Variants in PRKG1 observed in about 807,000 individuals in gnomAD.
PRKG1 encodes cGMP-dependent protein kinase 1.
Under a neutral mutation model 88.1 loss-of-function variants are expected in PRKG1, and 35 were observed. The ratio of observed to expected loss-of-function variants is 0.40; its 90% CI spans 0.30 to 0.53. The LOEUF (loss-of-function observed/expected upper bound fraction) is 0.53. PRKG1 is among the 20% of genes least tolerant of loss of function. PRKG1 has a pLI of 0.59. For missense variants in PRKG1, 540 were observed against 839.8 expected, an observed-to-expected ratio of 0.64 and a Z score of 4.41; for synonymous variants, 303 against 292.5, an observed-to-expected ratio of 1.04 and a Z score of -0.37.
chr10:51,628,515 G>A (rs1839432555), intron 3 of PRKG1, among the ~76,000 whole-genome samples: 1 of 152,062 alleles, frequency 6.6e-6, no homozygotes, highest in Non-Finnish European at 1.5e-5. Flanking sequence ...CAACATTGGG[G>A]TGATAAAATA....
chr10:51,413,714 A>G (rs143083145), intron 2 of PRKG1, among the ~76,000 whole-genome samples: 4 of 152,336 alleles, frequency 2.6e-5, no homozygotes, highest in Admixed American at 2.0e-4. Flanking sequence ...TGTTGTTCAC[A>G]TTATTAAGAG....
intron 4 of PRKG1, among the ~76,000 whole-genome samples, chr10:51,865,458 T>G (rs1480911726): frequency 6.6e-6 from 1 of 152,100 alleles, no homozygotes; most frequent in Non-Finnish European, 1.5e-5. Context: ...ATTTTCATTG[T>G]GATGAGTATG....
rs57454796 is a variant in PRKG1, at chr10:51,799,499, A to G, written c.593-5086A>G. Among the ~76,000 whole-genome samples the G allele has an allele frequency of 6.3e-3, 960 of 151,918 alleles. 12 individuals carry two copies. The highest frequency in any genetic ancestry group is 0.019 in the African/African-American group (802 of 41,458). On this transcript the variant is annotated intron_variant, in intron 3 of 17. Coordinates refer to ENST00000373980, the MANE Select transcript of PRKG1 (RefSeq NM_006258.4). ...TTGTGGTGGTGGTAGGATAACCTCA[A>G]AAATATCTAGCAATCCCCGTGGCAT...
chr10:51,417,239 T>A (rs1838266860), intron 2 of PRKG1, among the ~76,000 whole-genome samples: 1 of 152,182 alleles, frequency 6.6e-6, no homozygotes, highest in African/African-American at 2.4e-5. Flanking sequence ...CCTCACATGG[T>A]CCTACATGAC....
At chr10:51,994,731 C>A (rs1305330427) in intron 5 of PRKG1, among the ~76,000 whole-genome samples, 1 of 152,104 alleles carries the variant, frequency 6.6e-6, no homozygotes, top group Non-Finnish European at 1.5e-5. Context: ...GTTGTCTCTT[C>A]ATATATTTGA....
At chr10:51,354,952 G>T (rs928012495) in intron 2 of PRKG1, among the ~76,000 whole-genome samples, 4 of 152,068 alleles carry the variant, frequency 2.6e-5, no homozygotes, top group Non-Finnish European at 5.9e-5. Context: ...GGTAGCAAAT[G>T]TCTGGGCATA....
intron 3 of PRKG1, among the ~76,000 whole-genome samples, chr10:51,641,910 G>GAAA (rs1370204537): frequency 6.6e-6 from 1 of 152,012 alleles, no homozygotes; most frequent in Non-Finnish European, 1.5e-5. Flanking sequence ...AAATCAATCA[G>GAAA]AAAAAGCAGT....
chr10:51,279,822 T>C (rs1346461441), intron 2 of PRKG1, among the ~76,000 whole-genome samples: 1 of 152,238 alleles, frequency 6.6e-6, no homozygotes, highest in Non-Finnish European at 1.5e-5. Flanking sequence ...CTTGACTCTT[T>C]ATCCAATTTG....
chr10:51,348,266 G>A (rs1842160150), intron 2 of PRKG1, among the ~76,000 whole-genome samples: 1 of 152,042 alleles, frequency 6.6e-6, no homozygotes, highest in African/African-American at 2.4e-5. Flanking sequence ...CCCTTAAACC[G>A]ATATGTGCAA....
intron 2 of PRKG1, among the ~76,000 whole-genome samples, chr10:51,396,812 T>C (rs1054485249): frequency 6.6e-6 from 1 of 152,228 alleles, no homozygotes; most frequent in Non-Finnish European, 1.5e-5. Flanking sequence ...GTAGTTTGAT[T>C]CCAGAGGGTA....
chr10:51,519,194 A>G (rs188635289), intron 3 of PRKG1, among the ~76,000 whole-genome samples: 1 of 152,200 alleles, frequency 6.6e-6, no homozygotes, highest in Non-Finnish European at 1.5e-5. Flanking sequence ...AAATAATATT[A>G]TAAGAGGTAG....
intron 2 of PRKG1, among the ~76,000 whole-genome samples, chr10:51,216,453 A>G (rs540574011): frequency 3.3e-5 from 5 of 152,306 alleles, no homozygotes; most frequent in Non-Finnish European, 5.9e-5. Context: ...TCCACTTGCC[A>G]TCTTTATGAC....
chr10:52,094,818 C>T (rs1847137544), intron 7 of PRKG1, among the ~76,000 whole-genome samples: 1 of 152,124 alleles, frequency 6.6e-6, no homozygotes, highest in South Asian at 2.1e-4. Flanking sequence ...ACACTCATGG[C>T]CTCATGTAGA....
chr10:50,995,299 A>G (rs974631054), intron 1 of PRKG1, among the ~76,000 whole-genome samples: 1 of 152,222 alleles, frequency 6.6e-6, no homozygotes, highest in Non-Finnish European at 1.5e-5. Flanking sequence ...CACAATCTCC[A>G]TTAAGAATGA....
At chr10:51,526,437 G>A (rs1841885333) in intron 3 of PRKG1, among the ~76,000 whole-genome samples, 1 of 152,128 alleles carries the variant, frequency 6.6e-6, no homozygotes, top group Non-Finnish European at 1.5e-5. Context: ...AATATATATG[G>A]TTCACATTTG....
chr10:51,793,922 C>T (rs1228446708), intron 3 of PRKG1, among the ~76,000 whole-genome samples: 1 of 152,028 alleles, frequency 6.6e-6, no homozygotes, highest in Non-Finnish European at 1.5e-5. Context: ...CCAACACATC[C>T]AGCTAGTTTT....
Position 51,677,501 on chromosome 10 carries a change from A to C in PRKG1, c.593-127084A>C, listed in dbSNP as rs530992549. ...TGTCAGTGTTGGTGTTGTTTTAAAG[A>C]AGTTATAATGTGCTTTTTCAGGAAT... On this transcript the variant is annotated intron_variant, in intron 3 of 17. Transcript: ENST00000373980. 5.3e-5 allele frequency among the ~76,000 whole-genome samples: 8 copies of C among 152,312 alleles called. No individual in the cohort carries two copies. In the South Asian group the frequency reaches 1.7e-3, roughly 32 times the overall value.
intron 3 of PRKG1, among the ~76,000 whole-genome samples, chr10:51,627,992 C>A (rs1449069899): frequency 2.0e-4 from 6 of 29,650 alleles, no homozygotes; most frequent in Non-Finnish European, 4.5e-4. Flanking sequence ...TTCTTTCTTT[C>A]TCTCTCTCTC....
intron 2 of PRKG1, among the ~76,000 whole-genome samples, chr10:51,340,111 T>C (rs1440151965): frequency 6.6e-6 from 1 of 152,166 alleles, no homozygotes; most frequent in Non-Finnish European, 1.5e-5. Context: ...TGATTATCCA[T>C]TGACTTTTTG....
Sources: allele counts gnomAD v4.1 joint callset (sites outside exome capture counted in the v4.1 genomes callset), GRCh38; gene constraint gnomAD v4.1.1; transcripts MANE v1.5; gene names NCBI Gene and HGNC (gene_info 2026-07-23, HGNC 2026-07-21).